The following ABCB11 variants were observed in gnomAD, a reference collection of about 807,000 sequenced individuals.
The protein encoded by ABCB11 is ATP binding cassette subfamily B member 11, also known as bile salt export pump.
In ABCB11, 95 loss-of-function variants were observed where a neutral mutation model predicts 148.0. The observed-to-expected ratio is 0.64, with a 90% CI of 0.54 to 0.76. The LOEUF is 0.76. Ranked by LOEUF, ABCB11 falls within the 30% of genes least tolerant of loss-of-function variation. ABCB11 has a pLI of 0.00. For synonymous variants in ABCB11, 591 were observed against 555.4 expected (o/e 1.06, Z -0.90); for missense variants, 1,523 against 1,617.8 (o/e 0.94, Z 1.01).
intron 19 of ABCB11, 97 bp from the exon 20 acceptor site, chr2:168,945,058 A>G (rs1692241620): frequency 1.2e-6 from 1 of 821,376 alleles, no homozygotes; most frequent in Admixed American, 2.9e-5. Flanking sequence ...ATGTCATTAT[A>G]TATCTGTCCA....
intron 25 of ABCB11, among the ~76,000 whole-genome samples, chr2:168,929,824 G>A (rs892873620): frequency 3.9e-5 from 6 of 152,062 alleles, no homozygotes; most frequent in Non-Finnish European, 8.8e-5. Flanking sequence ...GCAAAAGGAG[G>A]GAGTGGTGAG....
chr2:168,977,788 C>A (rs573765003), intron 11 of ABCB11, among the ~76,000 whole-genome samples: 1 of 152,228 alleles, frequency 6.6e-6, no homozygotes, highest in South Asian at 2.1e-4. Flanking sequence ...GGGGAAACTG[C>A]CACTTTAAAA....
chr2:168,971,254 A>G (rs1693566573), intron 14 of ABCB11, among the ~76,000 whole-genome samples: 2 of 152,018 alleles, frequency 1.3e-5, no homozygotes, highest in African/African-American at 2.4e-5. Context: ...AGTGCTTAGA[A>G]CAGTGCCTGG....
At chr2:168,940,659 T>C (rs1415283878) in intron 21 of ABCB11, among the ~76,000 whole-genome samples, 2 of 152,100 alleles carry the variant, frequency 1.3e-5, no homozygotes, top group African/African-American at 4.8e-5. Flanking sequence ...CTACACCAAA[T>C]AACATATTTT....
chr2:168,985,536 T>C (rs1358026075), intron 10 of ABCB11, among the ~76,000 whole-genome samples: 2 of 152,018 alleles, frequency 1.3e-5, no homozygotes, highest in Non-Finnish European at 1.5e-5. Flanking sequence ...GAAACTGTGA[T>C]ATATATATAA....
intron 18 of ABCB11, among the ~76,000 whole-genome samples, chr2:168,959,311 C>T (rs1250319943): frequency 6.6e-6 from 1 of 151,658 alleles, no homozygotes; most frequent in Non-Finnish European, 1.5e-5. Flanking sequence ...TGCAGCAGGT[C>T]CTTCTGTTCA....
At chr2:169,004,131 G>A (rs898425727) in intron 5 of ABCB11, among the ~76,000 whole-genome samples, 1 of 152,114 alleles carries the variant, frequency 6.6e-6, no homozygotes, top group Non-Finnish European at 1.5e-5. Context: ...TATGTGCCTA[G>A]GTGATGATCT....
At chr2:168,928,871 C>T (rs1559177707) in intron 25 of ABCB11, among the ~76,000 whole-genome samples, 1 of 152,122 alleles carries the variant, frequency 6.6e-6, no homozygotes, top group Non-Finnish European at 1.5e-5. Flanking sequence ...AACTTAATAA[C>T]AGAAGGGATT....
At position 168,935,201 on chromosome 2, in the gene ABCB11, A is replaced by G. The variant is rs1388852519; in HGVS notation, c.3039T>C (p.His1013=). ...TTCCTCACCTGAACACATAGCTGAA[A>G]TGGAGCCCCTCATTGGAGATTAAGT... ...GGYLISNEGL[H]FSYVFRVISA... is the part of the protein sequence containing the mutation. Residue 1013 remains histidine (H), a synonymous_variant, in exon 23 of 28, where the codon CAT becomes CAC. Transcript: ENST00000650372. 1 of 1,613,930 alleles carries G rather than the reference A, an allele frequency of 6.2e-7. No homozygotes were observed. Among genetic ancestry groups the G allele is most frequent in the Admixed American group, 1.7e-5 (1 of 60,000 alleles).
At chr2:169,024,496 CCA>C (rs1695632189) in intron 1 of ABCB11, among the ~76,000 whole-genome samples, 2 of 61,912 alleles carry the variant, frequency 3.2e-5, no homozygotes, top group African/African-American at 9.4e-5. Context: ...TACCCCACAC[CCA>C]GTTATTAATG....
intron 5 of ABCB11, among the ~76,000 whole-genome samples, chr2:169,012,285 T>C (rs958076463): frequency 1.4e-4 from 22 of 152,108 alleles, no homozygotes; most frequent in African/African-American, 5.3e-4. Flanking sequence ...TGTTCTGAAC[T>C]TGAGCCAGCA....
At position 169,031,317 on chromosome 2, in the gene ABCB11, A is replaced by G. The variant is rs533213118; in HGVS notation, c.-120T>C. ...ACAACCTTTTCCAACCTCGGTTTTCATCATTCTAAAGCACTGAACAGAATT... is the reference window on the plus strand; with the variant it reads ...ACAACCTTTTCCAACCTCGGTTTTCGTCATTCTAAAGCACTGAACAGAATT... On this transcript the variant is annotated 5_prime_UTR_variant, in exon 1 of 28. An upstream start codon of the reference 5' UTR is lost. Coordinates refer to ENST00000650372, the MANE Select transcript of ABCB11 (RefSeq NM_003742.4). 6.6e-5 allele frequency: 10 copies of G among 152,338 alleles called. No individual in the cohort carries two copies. Among genetic ancestry groups the G allele is most frequent in the Admixed American group, 4.6e-4 (7 of 15,304 alleles). The allele number at this position is 152,338 out of a possible 1,614,324, so 9.4% of individuals were successfully genotyped here.
At chr2:168,945,695 G>C (rs1244339143) in intron 19 of ABCB11, among the ~76,000 whole-genome samples, 1 of 151,620 alleles carries the variant, frequency 6.6e-6, no homozygotes, top group African/African-American at 2.4e-5. Flanking sequence ...TCGAGATCTG[G>C]AAATGTTGTC....
chr2:168,924,426 G>A (rs1691213571), intron 27 of ABCB11, among the ~76,000 whole-genome samples: 1 of 152,040 alleles, frequency 6.6e-6, no homozygotes, highest in Admixed American at 6.5e-5. Context: ...ATGTCACTTA[G>A]CCTAAAGAAT....
chr2:168,980,822 T>A (rs935864797), intron 10 of ABCB11, among the ~76,000 whole-genome samples: 1 of 152,162 alleles, frequency 6.6e-6, no homozygotes, highest in Non-Finnish European at 1.5e-5. Context: ...CATGCCCAGA[T>A]GTTCCTACCA....
At chr2:168,996,143 T>G (rs894692516) in intron 6 of ABCB11, among the ~76,000 whole-genome samples, 5 of 152,030 alleles carry the variant, frequency 3.3e-5, no homozygotes, top group African/African-American at 1.2e-4. Flanking sequence ...ATATTTTTCT[T>G]TCTTAATAAG....
chr2:168,981,825 A>G lies in ABCB11; in HGVS notation c.1084-1846T>C, dbSNP rs574973259. Reference sequence around the variant, plus strand: ...TCTGCCATGTAGTATAAAAGCAGCCATAGACATATGTAAATAAGTGACTGT... The same window carrying G: ...TCTGCCATGTAGTATAAAAGCAGCCGTAGACATATGTAAATAAGTGACTGT... On this transcript the variant is annotated intron_variant, in intron 10 of 27. Transcript: ENST00000650372. Among the ~76,000 whole-genome samples, 5 of 152,308 alleles carry G rather than the reference A, an allele frequency of 3.3e-5. No homozygotes were observed. The South Asian group carries it at 1.0e-3, about 32-fold the overall frequency.
At chr2:168,934,989 G>A (rs1691748478) in intron 23 of ABCB11, among the ~76,000 whole-genome samples, 195 bp downstream of exon 23, 1 of 152,180 alleles carries the variant, frequency 6.6e-6, no homozygotes, top group African/African-American at 2.4e-5. Flanking sequence ...AGAATACACA[G>A]AAGCCTGACT....
chr2:168,974,093 A>T (rs150225252), intron 12 of ABCB11, among the ~76,000 whole-genome samples: 1 of 152,178 alleles, frequency 6.6e-6, no homozygotes, highest in Non-Finnish European at 1.5e-5. Flanking sequence ...AATGATGCAC[A>T]TTAACACAGG....
Sources: gnomAD v4.1 joint callset for allele counts (sites outside exome capture counted in the v4.1 genomes callset) on GRCh38, gnomAD v4.1.1 for gene constraint, MANE v1.5 for transcripts, NCBI Gene and HGNC (gene_info 2026-07-23, HGNC 2026-07-21) for gene names.